The following PGR variants were observed in gnomAD, a reference collection of about 807,000 sequenced individuals.
The protein encoded by PGR is progesterone receptor, also known as nuclear receptor subfamily 3 group C member 3.
Under a neutral mutation model 76.1 loss-of-function variants are expected in PGR, and 25 were observed. The observed-to-expected ratio is 0.33, with a 90% CI of 0.24 to 0.46. The LOEUF (loss-of-function observed/expected upper bound fraction) is 0.46. PGR is among the 20% of genes least tolerant of loss of function. The pLI, the probability that PGR is intolerant of heterozygous loss-of-function variation, is 1.00. For missense variants in PGR, 1,172 were observed against 1,225.3 expected, an observed-to-expected ratio of 0.96 and a Z score of 0.65; for synonymous variants, 579 against 535.0, an observed-to-expected ratio of 1.08 and a Z score of -1.14.
Position 101,087,616 on chromosome 11 carries a change from A to C in PGR, c.1906+4144T>G, listed in dbSNP as rs760862521. Among the ~76,000 whole-genome samples, 7 of 152,200 alleles carry C rather than the reference A, an allele frequency of 4.6e-5. 1 individual carries two copies. The highest frequency in any genetic ancestry group is 8.8e-5 in the Non-Finnish European group (6 of 68,032). On this transcript the variant is annotated intron_variant, in intron 3 of 7. Transcript: ENST00000325455. ...TTCAACTAAAGAGTTTCTGCACAGC[A>C]AAATAAACTACCAATGGAGTTAACA... is the stretch of plus-strand genomic sequence containing the variant.
At chr11:101,071,997 G>A (rs1860953837) in intron 3 of PGR, among the ~76,000 whole-genome samples, 3 of 151,996 alleles carry the variant, frequency 2.0e-5, no homozygotes, top group South Asian at 4.2e-4. Context: ...GATACTCCTC[G>A]AGAAGAGCAA....
At chr11:101,058,770 C>T (rs1235842573) in intron 4 of PGR, among the ~76,000 whole-genome samples, 1 of 152,152 alleles carries the variant, frequency 6.6e-6, no homozygotes, top group Non-Finnish European at 1.5e-5. Context: ...TAAACTCTAA[C>T]ATCTACAGTA....
chr11:101,090,625 T>C (rs1335513200), intron 3 of PGR, among the ~76,000 whole-genome samples: 2 of 152,250 alleles, frequency 1.3e-5, no homozygotes, highest in African/African-American at 2.4e-5. Flanking sequence ...AATTTTAATC[T>C]GCTGAGGTTG....
intron 3 of PGR, among the ~76,000 whole-genome samples, chr11:101,076,745 G>A (rs1861139871): frequency 6.6e-6 from 1 of 151,614 alleles, no homozygotes; most frequent in Non-Finnish European, 1.5e-5. Flanking sequence ...ATCCTATAGA[G>A]AATGGGAGCA....
chr11:101,127,227 G>T, intron 1 of PGR: 1 of 402,972 alleles, frequency 2.5e-6, no homozygotes. Context: ...TATATTCTGC[G>T]CCCACCTTCG....
chr11:101,051,588 A>C lies in PGR; in HGVS notation c.2213-20T>G, dbSNP rs770705613. The C allele has an allele frequency of 2.6e-6, 4 of 1,564,942 alleles. No individual in the cohort carries two copies. Among genetic ancestry groups the C allele is most frequent in the Non-Finnish European group, 3.5e-6 (4 of 1,136,288 alleles). On this transcript the variant is annotated intron_variant, in intron 4 of 7. Transcript: ENST00000325455. ...GAAAACCTACAAAACAAATTTAAAA[A>C]TACAGTGACCATAAAAATGACTGAA...
chr11:101,068,913 C>A (rs1860818954), intron 3 of PGR, among the ~76,000 whole-genome samples: 1 of 152,106 alleles, frequency 6.6e-6, no homozygotes, highest in African/African-American at 2.4e-5. Flanking sequence ...ACCATAAAAA[C>A]CTTGGAAGAA....
At chr11:101,092,509 CAGAT>C (rs1448663097) in intron 2 of PGR, among the ~76,000 whole-genome samples, 1 of 152,046 alleles carries the variant, frequency 6.6e-6, no homozygotes, top group Non-Finnish European at 1.5e-5. Flanking sequence ...GAACTTAAAA[CAGAT>C]AGAAGTACTC....
intron 6 of PGR, among the ~76,000 whole-genome samples, chr11:101,045,637 C>A (rs1859846228): frequency 6.6e-6 from 1 of 151,376 alleles, no homozygotes; most frequent in East Asian, 1.9e-4. Flanking sequence ...CACTTTCATT[C>A]TTTTTGATTG....
intron 3 of PGR, among the ~76,000 whole-genome samples, chr11:101,077,080 T>C (rs992134322): frequency 1.5e-4 from 23 of 152,194 alleles, no homozygotes; most frequent in Admixed American, 7.9e-4. Context: ...TTAATTTGCT[T>C]TTCCAGTTTC....
At position 101,046,292 on chromosome 11, in the gene PGR, A is replaced by ATTTTT. The variant is rs540943297; in HGVS notation, c.2488+3632_2488+3636dup. Among the ~76,000 whole-genome samples the ATTTTT allele has an allele frequency of 6.8e-4, 45 of 66,286 alleles. 5 individuals carry two copies. Among genetic ancestry groups the ATTTTT allele is most frequent in the African/African-American group, 2.6e-3 (35 of 13,332 alleles). 43.5% of individuals were successfully genotyped at this position (66,286 alleles called of 152,430 possible). On this transcript the variant is annotated intron_variant, in intron 6 of 7. Transcript: ENST00000325455. ...AGGCACTTGCCACTACGCCTGGCTA[A>ATTTTT]TTTTTTTTTTTTTTTTTTTTTTTTT...
Position 101,029,864 on chromosome 11 carries a change from TA to T in PGR, c.*9251del, listed in dbSNP as rs1859296374. 4.5e-6 allele frequency: 1 copy of T among 221,924 alleles called. No homozygotes were observed. Among genetic ancestry groups the T allele is most frequent in the African/African-American group, 2.2e-5 (1 of 44,748 alleles). The allele number at this position is 221,924 out of a possible 1,614,324, so 13.7% of individuals were successfully genotyped here. A position where few individuals can be genotyped will look rare whatever the true frequency, so the allele number is the denominator to read the frequency against. On this transcript the variant is annotated 3_prime_UTR_variant, in exon 8 of 8. Coordinates refer to ENST00000325455, the MANE Select transcript of PGR (RefSeq NM_000926.4). ...TTTTGCATATTAGCTTGAAAATAAG[TA>T]TATGATGATGATATTAGGTGCCCAC...
At chr11:101,053,585 C>CCCTTTCTTCCCTCCCCTTCTCCCT (rs1205944594) in intron 4 of PGR, among the ~76,000 whole-genome samples, 1 of 120,684 alleles carries the variant, frequency 8.3e-6, no homozygotes, top group Non-Finnish European at 1.8e-5. Context: ...CTCCCCTTCT[C>CCCTTTCTTCCCTCCCCTTCTCCCT]CCTTTCTTCC....
intron 4 of PGR, among the ~76,000 whole-genome samples, chr11:101,052,322 T>C (rs899261554): frequency 8.8e-5 from 11 of 125,088 alleles, no homozygotes; most frequent in African/African-American, 3.4e-4. Context: ...TGTGTGTGTA[T>C]TGGGGGGTAT....
intron 2 of PGR, among the ~76,000 whole-genome samples, chr11:101,102,068 AG>A (rs1313301801): frequency 6.6e-6 from 1 of 152,234 alleles, no homozygotes; most frequent in Non-Finnish European, 1.5e-5. Flanking sequence ...CGGCTGGCCT[AG>A]ACTCCCAAAA....
At chr11:101,051,107 AAGTC>A (rs1441963184) in intron 5 of PGR, among the ~76,000 whole-genome samples, 1 of 152,026 alleles carries the variant, frequency 6.6e-6, no homozygotes, top group Non-Finnish European at 1.5e-5. Flanking sequence ...TTTTGAATGT[AAGTC>A]AGTAACAAAA....
chr11:101,045,284 A>G (rs926923790), intron 6 of PGR, among the ~76,000 whole-genome samples: 9 of 152,198 alleles, frequency 5.9e-5, no homozygotes, highest in African/African-American at 1.9e-4. Flanking sequence ...TAGTATGTAC[A>G]TCTATATGTA....
At position 101,091,797 on chromosome 11, in the gene PGR, G is replaced by A; in HGVS notation, c.1869C>T (p.Arg623=). The change falls in exon 3 of 8, where the codon CGC becomes CGT. Residue 623 remains arginine, a synonymous_variant. Transcript: ENST00000325455. ...KIRRKNCPAC[R]LRKCCQAGMV... ...TGCCAGCCTGACAGCACTTTCTAAG[G>A]CGACATGCTGGGCAGTTTTTTCTGC... The A allele has an allele frequency of 1.2e-6, 2 of 1,607,170 alleles. No individual in the cohort carries two copies. Among genetic ancestry groups the A allele is most frequent in the Non-Finnish European group, 1.7e-6 (2 of 1,173,712 alleles).
intron 3 of PGR, among the ~76,000 whole-genome samples, chr11:101,088,835 A>T (rs1861582269): frequency 6.6e-6 from 1 of 152,228 alleles, no homozygotes; most frequent in Admixed American, 6.5e-5. Context: ...TATATACACC[A>T]TGGAATATTA....
Sources: allele counts gnomAD v4.1 joint callset (sites outside exome capture counted in the v4.1 genomes callset), GRCh38; gene constraint gnomAD v4.1.1; transcripts MANE v1.5; gene names NCBI Gene and HGNC (gene_info 2026-07-23, HGNC 2026-07-21).